STX3: variants seen among roughly 807,000 people sequenced by gnomAD.
The protein encoded by STX3 is syntaxin 3, also known as syntaxin-3.
In STX3, 19 loss-of-function variants were observed where a neutral mutation model predicts 40.2. That is an observed-to-expected ratio of 0.47 (90% CI 0.33 to 0.69). The LOEUF (loss-of-function observed/expected upper bound fraction) is 0.69. STX3 is among the 30% of genes least tolerant of loss of function. The pLI is 0.02. For synonymous variants in STX3, 122 were observed against 132.2 expected (o/e 0.92, Z 0.53); for missense variants, 364 against 366.7 (o/e 0.99, Z 0.06).
rs1865582757 is a variant in STX3 at position 59,797,298 on chromosome 11, A to G, written c.802A>G (p.Ile268Val). Residue 268 changes from isoleucine to valine, a missense_variant, in exon 10 of 11, where the codon ATT becomes GTT. Ile to Val is a conservative substitution (Grantham distance 29). Transcript: ENST00000337979. ...SQARKKLIII[I>V]VLVVVLLGIL... ...CTCTCTCCAGAAATTGATAATTATC[A>G]TTGTGCTAGTAGTTGTGTTGCTGGG... is the stretch of plus-strand genomic sequence containing the variant. 5 of 1,613,714 alleles carry G rather than the reference A, an allele frequency of 3.1e-6. No homozygotes were observed. Among genetic ancestry groups the G allele is most frequent in the Non-Finnish European group, 4.2e-6 (5 of 1,179,670 alleles).
rs909458462 is a variant in STX3 at position 59,766,503 on chromosome 11, C to T, written c.31-6708C>T. Among the ~76,000 whole-genome samples the T allele has an allele frequency of 2.0e-5, 3 of 152,316 alleles. No individual in the cohort carries two copies. The East Asian group carries it at 5.8e-4, about 29-fold the overall frequency. On this transcript the variant is annotated intron_variant, in intron 1 of 10. Coordinates refer to ENST00000337979, the MANE Select transcript of STX3 (RefSeq NM_004177.5). ...TGAGGCTCAGGACAGCTACGTCCCC[C>T]CATTGGCTCCCCACTCCCTGAGTAC...
intron 2 of STX3, among the ~76,000 whole-genome samples, chr11:59,783,257 G>A (rs1037219649): frequency 1.3e-5 from 2 of 152,160 alleles, no homozygotes; most frequent in Non-Finnish European, 2.9e-5. Context: ...AACCTGATGT[G>A]AGCTGAATAT....
chr11:59,782,416 G>T (rs140538177), intron 2 of STX3, among the ~76,000 whole-genome samples: 1 of 152,254 alleles, frequency 6.6e-6, no homozygotes, highest in East Asian at 1.9e-4. Context: ...TGGCATTTTT[G>T]TATTTATCAT....
rs538600985 is a variant in STX3, at chr11:59,777,708, C to T, written c.114+4414C>T. On this transcript the variant is annotated intron_variant, in intron 2 of 10. Transcript: ENST00000337979. ...CATCACTGTGATCCTCTTGGCTTTT[C>T]TCTTAGGATTGTGAGAGAGAGAGTC... Among the ~76,000 whole-genome samples, 16 of 152,176 alleles carry T rather than the reference C, an allele frequency of 1.1e-4. No individual in the cohort carries two copies. In the South Asian group the frequency reaches 3.3e-3, roughly 32 times the overall value.
intron 1 of STX3, among the ~76,000 whole-genome samples, chr11:59,757,216 A>G (rs1388517395): frequency 6.6e-6 from 1 of 152,154 alleles, no homozygotes; most frequent in Non-Finnish European, 1.5e-5. Flanking sequence ...AGAGGAACCC[A>G]GGCTCTTGAC....
chr11:59,771,237 G>GAA (rs1554996149), intron 1 of STX3, among the ~76,000 whole-genome samples: 1 of 152,110 alleles, frequency 6.6e-6, no homozygotes, highest in African/African-American at 2.4e-5. Flanking sequence ...CCAGCTTGGG[G>GAA]CCTGGTGGTG....
intron 2 of STX3, among the ~76,000 whole-genome samples, chr11:59,785,484 C>T (rs188890385): frequency 3.3e-5 from 5 of 152,214 alleles, no homozygotes; most frequent in East Asian, 1.9e-4. Flanking sequence ...GGGCATGCCA[C>T]GATGCCTGGC....
intron 2 of STX3, chr11:59,781,464 A>T: frequency 6.2e-7 from 1 of 1,613,526 alleles, no homozygotes; most frequent in South Asian, 1.1e-5. Flanking sequence ...AAAGTTGCAG[A>T]CAGTCTGAGT....
chr11:59,764,058 A>G (rs1863168693), intron 1 of STX3, among the ~76,000 whole-genome samples: 1 of 152,204 alleles, frequency 6.6e-6, no homozygotes, highest in African/African-American at 2.4e-5. Context: ...AAGAGCGGTA[A>G]ATATCAAAAT....
At chr11:59,771,771 C>T (rs932012165) in intron 1 of STX3, among the ~76,000 whole-genome samples, 3 of 152,238 alleles carry the variant, frequency 2.0e-5, no homozygotes, top group East Asian at 1.9e-4. Context: ...AAGGGCCCCA[C>T]GTGCTCTGTT....
chr11:59,785,153 ATAT>A (rs1864669651), intron 2 of STX3, among the ~76,000 whole-genome samples: 1 of 152,148 alleles, frequency 6.6e-6, no homozygotes, highest in Non-Finnish European at 1.5e-5. Context: ...CACTCCCATG[ATAT>A]TATTACATTG....
chr11:59,779,536 T>G (rs1415245033), intron 2 of STX3, among the ~76,000 whole-genome samples: 3 of 152,228 alleles, frequency 2.0e-5, no homozygotes, highest in Non-Finnish European at 4.4e-5. Context: ...GCATTTGTAG[T>G]GGTATAACAG....
chr11:59,792,634 T>G (rs1865261931), intron 6 of STX3, among the ~76,000 whole-genome samples: 1 of 152,118 alleles, frequency 6.6e-6, no homozygotes, highest in Non-Finnish European at 1.5e-5. Context: ...AGGAATGTAG[T>G]AATGTGGAAG....
chr11:59,790,674 A>G (rs1865084609), intron 5 of STX3, 88 bp downstream of exon 5: 1 of 973,698 alleles, frequency 1.0e-6, no homozygotes, highest in Non-Finnish European at 1.6e-6. Context: ...TTTTAATACA[A>G]TCCTTATTTT....
At chr11:59,788,797 G>T in intron 3 of STX3, 76 bp from the exon 4 acceptor site, 1 of 1,304,342 alleles carries the variant, frequency 7.7e-7, no homozygotes, top group Non-Finnish European at 1.1e-6. Context: ...CCCCTCCTCT[G>T]ATGATGATTG....
intron 1 of STX3, among the ~76,000 whole-genome samples, chr11:59,757,493 C>T (rs922325819): frequency 2.6e-5 from 4 of 152,134 alleles, no homozygotes; most frequent in African/African-American, 9.7e-5. Context: ...TGCCTGGGGA[C>T]GCTGAGCAAG....
At chr11:59,792,288 C>T (rs1865230574) in intron 6 of STX3, 73 bp downstream of exon 6, 2 of 1,290,484 alleles carry the variant, frequency 1.5e-6, no homozygotes, top group Admixed American at 1.9e-5. Context: ...GTTTTGAGGC[C>T]CTGGTGGAGC....
intron 1 of STX3, among the ~76,000 whole-genome samples, chr11:59,771,237 G>T (rs1863607862): frequency 6.6e-6 from 1 of 152,114 alleles, no homozygotes; most frequent in Non-Finnish European, 1.5e-5. Flanking sequence ...CCAGCTTGGG[G>T]CCTGGTGGTG....
Position 59,763,122 on chromosome 11 carries a change from C to T in STX3, c.30+7487C>T, listed in dbSNP as rs568614472. 1.1e-3 allele frequency among the ~76,000 whole-genome samples: 164 copies of T among 152,182 alleles called. 1 individual carries two copies. Among genetic ancestry groups the T allele is most frequent in the African/African-American group, 3.8e-3 (156 of 41,498 alleles). On this transcript the variant is annotated intron_variant, in intron 1 of 10. Coordinates refer to ENST00000337979, the MANE Select transcript of STX3 (RefSeq NM_004177.5). ...ATGTTAGATGTGCAATAAATACTGCCGGATGAAAGAATGAACAAATGAATC... is the reference window on the plus strand; with the variant it reads ...ATGTTAGATGTGCAATAAATACTGCTGGATGAAAGAATGAACAAATGAATC...
Sources: allele counts gnomAD v4.1 joint callset (sites outside exome capture counted in the v4.1 genomes callset), GRCh38; gene constraint gnomAD v4.1.1; transcripts MANE v1.5; gene names NCBI Gene and HGNC (gene_info 2026-07-23, HGNC 2026-07-21).